The following SNX6 variants were observed in gnomAD, a reference collection of about 807,000 sequenced individuals.
SNX6 encodes the protein sorting nexin-6.
Under a neutral mutation model 63.0 loss-of-function variants are expected in SNX6, and 34 were observed. That is an observed-to-expected ratio of 0.54 (90% confidence interval 0.41 to 0.72). SNX6 has a LOEUF of 0.72. Ranked by LOEUF, SNX6 falls within the 30% of genes least tolerant of loss-of-function variation. The pLI, the probability that SNX6 is intolerant of heterozygous loss-of-function variation, is 0.00. For missense variants in SNX6, 398 were observed against 471.4 expected (o/e 0.84, Z 1.44); for synonymous variants, 170 against 164.2 (o/e 1.04, Z -0.27).
chr14:34,579,194 T>G (rs1430840929), intron 10 of SNX6, among the ~76,000 whole-genome samples: 3 of 152,006 alleles, frequency 2.0e-5, no homozygotes, highest in African/African-American at 7.2e-5. Flanking sequence ...CCAACAGAAT[T>G]GTATACTTGT....
At chr14:34,577,685 G>C (rs1472077309) in intron 10 of SNX6, among the ~76,000 whole-genome samples, 3 of 152,050 alleles carry the variant, frequency 2.0e-5, no homozygotes, top group African/African-American at 4.8e-5. Flanking sequence ...ATGGGACCTT[G>C]TTTGTATCCT....
intron 10 of SNX6, among the ~76,000 whole-genome samples, chr14:34,580,370 A>G (rs1881887150): frequency 6.6e-6 from 1 of 152,118 alleles, no homozygotes; most frequent in Admixed American, 6.6e-5. Flanking sequence ...TGGCACAATC[A>G]TAACTCACTA....
intron 9 of SNX6, 98 bp from the exon 10 acceptor site, chr14:34,581,698 G>C (rs2138293292): frequency 4.5e-6 from 3 of 660,154 alleles, no homozygotes; most frequent in Non-Finnish European, 8.0e-6. Flanking sequence ...ATAACACCTT[G>C]TCTCATTGCA....
chr14:34,610,188 GAAA>G (rs751086426), intron 2 of SNX6, among the ~76,000 whole-genome samples: 1 of 132,890 alleles, frequency 7.5e-6, no homozygotes. Context: ...TACAGAAATT[GAAA>G]AAAAAAAAAG....
At chr14:34,581,193 C>T (rs560523491) in intron 10 of SNX6, among the ~76,000 whole-genome samples, 3 of 152,256 alleles carry the variant, frequency 2.0e-5, no homozygotes, top group South Asian at 4.1e-4. Context: ...CTTGCTCTCT[C>T]GCCAGGCTGG....
At chr14:34,593,213 AACTATC>A in intron 7 of SNX6, 63 bp from the exon 8 acceptor site, 2 of 933,216 alleles carry the variant, frequency 2.1e-6, no homozygotes, top group Non-Finnish European at 3.2e-6. Context: ...ATATGTAAAT[AACTATC>A]ATTATAAATA....
intron 9 of SNX6, 60 bp from the exon 10 acceptor site, chr14:34,581,660 T>A: frequency 9.8e-7 from 1 of 1,016,862 alleles, no homozygotes; most frequent in Non-Finnish European, 1.5e-6. Flanking sequence ...ATTTCAAATG[T>A]ATGAGAATAT....
chr14:34,568,603 G>C (rs1881296636), intron 11 of SNX6: 14 of 638,194 alleles, frequency 2.2e-5, no homozygotes, highest in South Asian at 2.0e-4. Flanking sequence ...TGCTAAAGTG[G>C]ATTACAAGCG....
chr14:34,619,772 C>G (rs1594750088), intron 2 of SNX6, among the ~76,000 whole-genome samples: 1 of 152,292 alleles, frequency 6.6e-6, no homozygotes, highest in East Asian at 1.9e-4. Context: ...TGCTTCACTC[C>G]ATGAATGCCA....
At chr14:34,622,609 C>T (rs1205400276) in intron 2 of SNX6, among the ~76,000 whole-genome samples, 2 of 150,696 alleles carry the variant, frequency 1.3e-5, no homozygotes, top group Non-Finnish European at 3.0e-5. Context: ...GTACTTCCCA[C>T]TGCCTGGAGT....
intron 6 of SNX6, 62 bp downstream of exon 6, chr14:34,603,286 A>C: frequency 1.3e-6 from 1 of 760,074 alleles, no homozygotes; most frequent in Non-Finnish European, 1.8e-6. Flanking sequence ...ATTCCGTCTC[A>C]AAAAAAAAAA....
intron 7 of SNX6, 79 bp downstream of exon 7, chr14:34,597,471 T>G: frequency 1.2e-6 from 1 of 867,088 alleles, no homozygotes; most frequent in South Asian, 1.5e-5. Context: ...ACTCTAATTC[T>G]GCACATTTGA....
At chr14:34,577,415 T>C (rs1356502748) in intron 10 of SNX6, among the ~76,000 whole-genome samples, 1 of 152,128 alleles carries the variant, frequency 6.6e-6, no homozygotes, top group African/African-American at 2.4e-5. Context: ...GTAATTGATA[T>C]GTACACACAA....
At chr14:34,588,606 T>C (rs1882268220) in intron 8 of SNX6, among the ~76,000 whole-genome samples, 1 of 152,124 alleles carries the variant, frequency 6.6e-6, no homozygotes, top group Non-Finnish European at 1.5e-5. Flanking sequence ...GGAACCAATC[T>C]GACTAAAGAT....
At chr14:34,608,003 G>C (rs759872953) in intron 4 of SNX6, 27 bp downstream of exon 4, 2 of 1,178,332 alleles carry the variant, frequency 1.7e-6, no homozygotes, top group Non-Finnish European at 2.4e-6. Flanking sequence ...CTAGAAAATG[G>C]AATTAAAATG....
intron 11 of SNX6, among the ~76,000 whole-genome samples, chr14:34,569,708 T>C (rs1041968855): frequency 1.3e-5 from 2 of 152,224 alleles, no homozygotes; most frequent in African/African-American, 4.8e-5. Context: ...AGTTCATCTA[T>C]GTTGTAGCAC....
chr14:34,612,344 T>C (rs1883264680), intron 2 of SNX6, among the ~76,000 whole-genome samples: 1 of 152,194 alleles, frequency 6.6e-6, no homozygotes, highest in South Asian at 2.1e-4. Context: ...TATATGTCAA[T>C]AAATGACTTT....
chr14:34,573,367 G>A (rs887583438), intron 11 of SNX6, among the ~76,000 whole-genome samples: 14 of 152,008 alleles, frequency 9.2e-5, no homozygotes, highest in Admixed American at 9.2e-4. Context: ...TTAAGGTAAG[G>A]AGTTCGAGAC....
chr14:34,603,557 G>A, intron 5 of SNX6, 86 bp from the exon 6 acceptor site: 1 of 1,125,630 alleles, frequency 8.9e-7, no homozygotes. Flanking sequence ...AATACTCTTT[G>A]GATTATTCCG....
Sources: gnomAD v4.1 joint callset for allele counts (sites outside exome capture counted in the v4.1 genomes callset) on GRCh38, gnomAD v4.1.1 for gene constraint, MANE v1.5 for transcripts, NCBI Gene and HGNC (gene_info 2026-07-23, HGNC 2026-07-21) for gene names.